The following ZNF516 variants were observed in gnomAD, a reference collection of about 807,000 sequenced individuals.
The protein encoded by ZNF516 is zinc finger protein 516.
Under a neutral mutation model 79.7 loss-of-function variants are expected in ZNF516, and 19 were observed. That is an observed-to-expected ratio of 0.24 (90% CI 0.17 to 0.35). The LOEUF (loss-of-function observed/expected upper bound fraction) is 0.35. Among genes scored for constraint, ZNF516 ranks in the 10% least tolerant of loss-of-function variants. The pLI is 1.00. For missense variants in ZNF516, 1,678 were observed against 1,679.5 expected (o/e 1.00, Z 0.02); for synonymous variants, 877 against 739.5 (o/e 1.19, Z -3.02).
At chr18:76,414,864 T>C (rs918560389) in intron 3 of ZNF516, among the ~76,000 whole-genome samples, 3 of 152,258 alleles carry the variant, frequency 2.0e-5, no homozygotes, top group African/African-American at 7.2e-5. Context: ...TTCTTAAATG[T>C]CTCACCACAA....
intron 3 of ZNF516, among the ~76,000 whole-genome samples, chr18:76,398,851 A>C (rs963668691): frequency 2.0e-5 from 3 of 152,228 alleles, no homozygotes; most frequent in Non-Finnish European, 4.4e-5. Flanking sequence ...GCGATGCATA[A>C]ATGTCCAAAA....
chr18:76,472,524 G>A (rs1412383025), intron 1 of ZNF516, among the ~76,000 whole-genome samples: 4 of 152,228 alleles, frequency 2.6e-5, no homozygotes, highest in Non-Finnish European at 5.9e-5. Flanking sequence ...CGACACGTGC[G>A]CTCACACGCA....
upstream of ZNF516, chr18:76,495,591 A>C: frequency 2.8e-6 from 1 of 354,634 alleles, no homozygotes; most frequent in Non-Finnish European, 4.9e-6. Flanking sequence ...ATAGCACTGA[A>C]TCACGGTTCC....
intron 3 of ZNF516, among the ~76,000 whole-genome samples, chr18:76,424,466 G>C (rs1194943790): frequency 6.8e-6 from 1 of 146,038 alleles, no homozygotes; most frequent in East Asian, 2.1e-4. Flanking sequence ...GACACACGCA[G>C]GTGAAAAGGT....
At position 76,357,798 on chromosome 18, in the gene ZNF516, A is replaced by G. The variant is rs930515642; in HGVS notation, c.*4700T>C. 6.6e-6 allele frequency among the ~76,000 whole-genome samples: 1 copy of G among 152,192 alleles called. No individual in the cohort carries two copies. The highest frequency in any genetic ancestry group is 2.4e-5 in the African/African-American group (1 of 41,424). On this transcript the variant is annotated 3_prime_UTR_variant, in exon 7 of 7. Transcript: ENST00000443185. ...CTTGTGTCCCCACATTTTTGACACAATAATTTCCTCCAGGTGTGGCTGAGT... is the reference window on the plus strand; with the variant it reads ...CTTGTGTCCCCACATTTTTGACACAGTAATTTCCTCCAGGTGTGGCTGAGT...
chr18:76,366,092 T>C (rs1290222462), intron 6 of ZNF516, among the ~76,000 whole-genome samples: 1 of 152,234 alleles, frequency 6.6e-6, no homozygotes, highest in Admixed American at 6.5e-5. Context: ...CTGCCACTAG[T>C]GTCACCACGA....
intron 6 of ZNF516, among the ~76,000 whole-genome samples, chr18:76,363,798 G>A (rs756252299): frequency 1.3e-5 from 2 of 152,228 alleles, no homozygotes; most frequent in Non-Finnish European, 2.9e-5. Context: ...GAAGGAAAAT[G>A]GTCTTCGTGT....
At chr18:76,496,068 G>A (rs2068062448), upstream of ZNF516, among the ~76,000 whole-genome samples, 1 of 151,566 alleles carries the variant, frequency 6.6e-6, no homozygotes, top group African/African-American at 2.4e-5. Context: ...GTTGTAATAA[G>A]TTGAGTCTGG....
At chr18:76,387,292 G>A (rs1038422227) in intron 3 of ZNF516, 1 of 152,246 alleles carries the variant, frequency 6.6e-6, no homozygotes, top group Non-Finnish European at 1.5e-5. Flanking sequence ...GGCCGGTTTA[G>A]TAACCCGTGG....
chr18:76,466,411 T>C (rs1344337258), intron 1 of ZNF516, among the ~76,000 whole-genome samples: 1 of 152,182 alleles, frequency 6.6e-6, no homozygotes, highest in Admixed American at 6.5e-5. Flanking sequence ...GGTGCACCCA[T>C]GCTGCCACGT....
intron 1 of ZNF516, among the ~76,000 whole-genome samples, chr18:76,468,645 C>T (rs1238122164): frequency 6.6e-6 from 1 of 152,000 alleles, no homozygotes; most frequent in Non-Finnish European, 1.5e-5. Flanking sequence ...GTCTCAAACT[C>T]CTGAGCTCAA....
chr18:76,483,621 C>T (rs1599160970), intron 1 of ZNF516, among the ~76,000 whole-genome samples: 1 of 152,174 alleles, frequency 6.6e-6, no homozygotes, highest in Admixed American at 6.5e-5. Flanking sequence ...AGGGCCCAGC[C>T]GTCTATCAGA....
At chr18:76,454,804 C>CTG (rs1912620140) in intron 2 of ZNF516, among the ~76,000 whole-genome samples, 2 of 152,198 alleles carry the variant, frequency 1.3e-5, no homozygotes, top group African/African-American at 4.8e-5. Context: ...CAAAATTCCA[C>CTG]TACAACTCCC....
chr18:76,377,934 T>C (rs547359120), intron 4 of ZNF516: 1 of 152,128 alleles, frequency 6.6e-6, no homozygotes, highest in East Asian at 1.9e-4. Flanking sequence ...ACCAGGCTGG[T>C]CTTGAACTCC....
intron 4 of ZNF516, among the ~76,000 whole-genome samples, chr18:76,373,345 G>A (rs945707418): frequency 6.6e-6 from 1 of 151,196 alleles, no homozygotes; most frequent in Non-Finnish European, 1.5e-5. Context: ...AGAAAAGGAA[G>A]GAAAGGAAAG....
intron 3 of ZNF516, among the ~76,000 whole-genome samples, chr18:76,399,743 C>T (rs1320430252): frequency 1.3e-5 from 2 of 152,172 alleles, no homozygotes; most frequent in Non-Finnish European, 2.9e-5. Context: ...CTGTATAAGT[C>T]GGGAAACACT....
At chr18:76,429,116 G>A (rs2075630962) in intron 3 of ZNF516, among the ~76,000 whole-genome samples, 2 of 152,230 alleles carry the variant, frequency 1.3e-5, no homozygotes, top group African/African-American at 4.8e-5. Flanking sequence ...GAGGAGTCCT[G>A]AGCCAAGAAG....
chr18:76,447,570 C>A (rs1760083911), intron 2 of ZNF516, among the ~76,000 whole-genome samples: 1 of 152,200 alleles, frequency 6.6e-6, no homozygotes, highest in East Asian at 1.9e-4. Flanking sequence ...GCCTGCCACC[C>A]AAACCACAGG....
intron 3 of ZNF516, among the ~76,000 whole-genome samples, chr18:76,418,184 C>T (rs2075457454): frequency 6.6e-6 from 1 of 151,948 alleles, no homozygotes; most frequent in Non-Finnish European, 1.5e-5. Context: ...CGCTGCAACA[C>T]ATGCTATAAC....
Sources: allele counts gnomAD v4.1 joint callset (sites outside exome capture counted in the v4.1 genomes callset), GRCh38; gene constraint gnomAD v4.1.1; transcripts MANE v1.5; gene names NCBI Gene and HGNC (gene_info 2026-07-23, HGNC 2026-07-21).